PARD3: variants seen among roughly 807,000 people sequenced by gnomAD.
The protein encoded by PARD3 is partitioning defective 3 homolog.
A neutral mutation model predicts 155.4 loss-of-function variants in PARD3; 75 were observed. The ratio of observed to expected loss-of-function variants is 0.48; its 90% CI spans 0.40 to 0.58. The LOEUF (loss-of-function observed/expected upper bound fraction) is 0.58. PARD3 is among the 20% of genes least tolerant of loss of function. The probability of loss-of-function intolerance (pLI) is 0.00; values close to 1 mark genes in which losing one functional copy is unlikely to be tolerated. For synonymous variants in PARD3, 576 were observed against 610.5 expected, an observed-to-expected ratio of 0.94 and a Z score of 0.83; for missense variants, 1,642 against 1,721.7, an observed-to-expected ratio of 0.95 and a Z score of 0.82.
intron 2 of PARD3, among the ~76,000 whole-genome samples, chr10:34,567,944 A>G (rs896815481): frequency 2.0e-5 from 3 of 152,212 alleles, no homozygotes; most frequent in Admixed American, 6.5e-5. Context: ...CTTGTATCCT[A>G]TATCCAACAA....
In PARD3 at chr10:34,331,224, C is replaced by T. The variant is rs752762210; in HGVS notation, c.2726G>A (p.Arg909Gln). 4.3e-6 allele frequency: 7 copies of T among 1,614,010 alleles called. No homozygotes were observed. The highest frequency in any genetic ancestry group is 3.3e-5 in the Admixed American group (2 of 59,986). The change falls in exon 19 of 25, where the codon CGG becomes CAG. Residue 909 changes from arginine (R) to glutamine (Q), a missense_variant. Physicochemically the swap from Arg to Gln is conservative, Grantham distance 43. This residue lies in a region of PARD3 where 1,529 missense variants were observed against 1,587.3 expected (regional missense o/e 0.96). Transcript: ENST00000374788. ...TCCCCTGCCTCTGATTATCCGCGGC[C>T]GTGGACGATGGAAAGGAATATCCCC... ...LNGDIPFHRP[R>Q]PRIIRGRGCN...
At chr10:34,153,360 C>G (rs546571411) in intron 22 of PARD3, among the ~76,000 whole-genome samples, 8 of 152,254 alleles carry the variant, frequency 5.3e-5, no homozygotes, top group African/African-American at 1.9e-4. Context: ...AGAGCTCTCC[C>G]TCACACACAC....
chr10:34,572,566 G>A (rs1213817226), intron 2 of PARD3, among the ~76,000 whole-genome samples: 1 of 151,826 alleles, frequency 6.6e-6, no homozygotes, highest in East Asian at 1.9e-4. Context: ...GCTTGAACCT[G>A]GGAGGCAGCA....
At chr10:34,807,510 G>C (rs988431985) in intron 1 of PARD3, among the ~76,000 whole-genome samples, 1 of 152,074 alleles carries the variant, frequency 6.6e-6, no homozygotes, top group Non-Finnish European at 1.5e-5. Flanking sequence ...CCCATTCACA[G>C]TCTCCATGAC....
At chr10:34,603,268 C>T (rs1016720132) in intron 2 of PARD3, among the ~76,000 whole-genome samples, 4 of 152,282 alleles carry the variant, frequency 2.6e-5, no homozygotes, top group Admixed American at 6.5e-5. Context: ...CCTGGTGCTC[C>T]GCAGCTCTGG....
At chr10:34,745,121 G>T (rs896179135) in intron 1 of PARD3, among the ~76,000 whole-genome samples, 1 of 152,180 alleles carries the variant, frequency 6.6e-6, no homozygotes, top group African/African-American at 2.4e-5. Flanking sequence ...CAGTGCTTTG[G>T]GAGGCCAAGG....
intron 1 of PARD3, among the ~76,000 whole-genome samples, chr10:34,757,282 T>A (rs1040263908): frequency 6.6e-6 from 1 of 152,244 alleles, no homozygotes; most frequent in Non-Finnish European, 1.5e-5. Context: ...TTTAAGTTCT[T>A]ATTCTCATCT....
At position 34,205,977 on chromosome 10, in the gene PARD3, G is replaced by GC. The variant is rs148410031; in HGVS notation, c.3419+63679dup. Among the ~76,000 whole-genome samples, 766 of 152,256 alleles carry GC rather than the reference G, an allele frequency of 5.0e-3. 2 individuals are homozygous for GC. Among genetic ancestry groups the GC allele is most frequent in the African/African-American group, 0.016 (679 of 41,524 alleles). On this transcript the variant is annotated intron_variant, in intron 22 of 24. Coordinates refer to ENST00000374788, the MANE Select transcript of PARD3 (RefSeq NM_001184785.2). ...GTTGGGAGGAGGGGCAGCACCTGTG[G>GC]CTGTGTGGGGTCTTGCCTCCTGCCT...
intron 2 of PARD3, among the ~76,000 whole-genome samples, chr10:34,623,991 A>AG (rs1304869168): frequency 1.3e-5 from 2 of 152,066 alleles, no homozygotes; most frequent in African/African-American, 4.8e-5. Context: ...AAAAAAAAAA[A>AG]AAAAGTCAGC....
chr10:34,165,948 A>G (rs549142961), intron 22 of PARD3, among the ~76,000 whole-genome samples: 63 of 152,304 alleles, frequency 4.1e-4, no homozygotes, highest in African/African-American at 1.4e-3. Context: ...ATATACAAGA[A>G]AGAGCTATAT....
intron 1 of PARD3, among the ~76,000 whole-genome samples, chr10:34,712,992 T>G (rs971506398): frequency 1.3e-5 from 2 of 152,056 alleles, no homozygotes; most frequent in Non-Finnish European, 2.9e-5. Context: ...GCAGATCGCT[T>G]TAAGTCAGGA....
intron 2 of PARD3, among the ~76,000 whole-genome samples, chr10:34,652,772 G>A (rs75924162): frequency 0.012 from 1,793 of 152,232 alleles, 45 homozygotes; most frequent in African/African-American, 0.04. Flanking sequence ...ATGAAAATAC[G>A]TTAGTGCAAG....
chr10:34,714,949 T>A (rs1161834893), intron 1 of PARD3, among the ~76,000 whole-genome samples: 1 of 151,938 alleles, frequency 6.6e-6, no homozygotes, highest in Non-Finnish European at 1.5e-5. Context: ...TAATTTTGTA[T>A]TTTTTGTAGA....
intron 1 of PARD3, among the ~76,000 whole-genome samples, chr10:34,785,748 A>G (rs754161361): frequency 3.9e-5 from 6 of 152,230 alleles, no homozygotes; most frequent in African/African-American, 9.6e-5. Context: ...TGAAGGTCTT[A>G]TAAGACATGG....
Position 34,723,475 on chromosome 10 carries a change from G to C in PARD3, c.121-27056C>G, listed in dbSNP as rs1346611125. ...TCTGATTGCTTTTTTCCTTAAAGAAGCATAGTGCCTTTGACTTCTGTTTCT... is the reference window on the plus strand; with the variant it reads ...TCTGATTGCTTTTTTCCTTAAAGAACCATAGTGCCTTTGACTTCTGTTTCT... On this transcript the variant is annotated intron_variant, in intron 1 of 24. Transcript: ENST00000374788. Among the ~76,000 whole-genome samples the C allele has an allele frequency of 2.6e-5, 4 of 152,128 alleles. No homozygotes were observed. The East Asian group carries it at 7.7e-4, about 29-fold the overall frequency.
chr10:34,360,087 C>G lies in PARD3; in HGVS notation c.1880G>C (p.Gly627Ala). The change falls in exon 13 of 25, where the codon GGA becomes GCA. Residue 627 changes from glycine (G) to alanine (A), a missense_variant. By Grantham distance (60) the Gly-to-Ala change is moderately conservative (BLOSUM62 0). Around this residue, in one of 3 missense-constraint regions of PARD3, gnomAD observed 1,529 missense variants for 1,587.3 expected, o/e 0.96. Transcript: ENST00000374788. ...LGIFVKSIIN[G>A]GAASKDGRLR... ...GACACTCACTTTAGATGCTGCTCCTCCATTAATAATGGACTTGACAAAGAT... is the reference window on the plus strand; with the variant it reads ...GACACTCACTTTAGATGCTGCTCCTGCATTAATAATGGACTTGACAAAGAT... 6.2e-7 allele frequency: 1 copy of G among 1,613,916 alleles called. No individual in the cohort carries two copies. The highest frequency in any genetic ancestry group is 8.5e-7 in the Non-Finnish European group (1 of 1,179,824).
In PARD3 at chr10:34,761,955, A is replaced by T. The variant is rs573988758; in HGVS notation, c.120+52921T>A. On this transcript the variant is annotated intron_variant, in intron 1 of 24. Coordinates refer to ENST00000374788, the MANE Select transcript of PARD3 (RefSeq NM_001184785.2). ...ATATAAATACAAATACATATATATA[A>T]AATATAAATACAGGTATACGTGATT... Among the ~76,000 whole-genome samples, 16 of 152,250 alleles carry T rather than the reference A, an allele frequency of 1.1e-4. No individual in the cohort carries two copies. In the East Asian group the frequency reaches 2.7e-3, roughly 26 times the overall value.
chr10:34,250,905 T>G lies in PARD3; in HGVS notation c.3419+18752A>C, dbSNP rs1049120378. Among the ~76,000 whole-genome samples the G allele has an allele frequency of 5.9e-5, 9 of 152,190 alleles. 1 individual carries two copies. Among genetic ancestry groups the G allele is most frequent in the Admixed American group, 1.3e-4 (2 of 15,274 alleles). On this transcript the variant is annotated intron_variant, in intron 22 of 24. Transcript: ENST00000374788. ...TTCCAGGAGGAAAGCAGTTCTCTCT[T>G]AAGAGTGAGAATTACCCAGGTTGCA...
chr10:34,718,577 T>C (rs2094557033), intron 1 of PARD3, among the ~76,000 whole-genome samples: 1 of 152,096 alleles, frequency 6.6e-6, no homozygotes, highest in Non-Finnish European at 1.5e-5. Context: ...GAGGATTGCT[T>C]GAGCCTAGGA....
Sources: gnomAD v4.1 joint callset for allele counts (sites outside exome capture counted in the v4.1 genomes callset) on GRCh38, gnomAD v4.1.1 for gene constraint, gnomAD v4.1.1 regional missense constraint, MANE v1.5 for transcripts, NCBI Gene and HGNC (gene_info 2026-07-23, HGNC 2026-07-21) for gene names.